The following WDR70 variants were observed in gnomAD, a reference collection of about 807,000 sequenced individuals.
WDR70 encodes WD repeat-containing protein 70.
In WDR70, 53 loss-of-function variants were observed where a neutral mutation model predicts 88.6. The observed-to-expected ratio is 0.60, with a 90% CI of 0.48 to 0.75. The LOEUF (loss-of-function observed/expected upper bound fraction) is 0.75, where lower values mean the gene tolerates loss of function less well. Ranked by LOEUF, WDR70 falls within the 30% of genes least tolerant of loss-of-function variation. The pLI is 0.00. For synonymous variants in WDR70, 280 were observed against 270.0 expected (o/e 1.04, Z -0.36); for missense variants, 610 against 823.2 (o/e 0.74, Z 3.17).
rs191527236 is a variant in WDR70 at position 37,523,465 on chromosome 5, C to G, written c.917+6875C>G. Reference sequence around the variant, plus strand: ...TAACAAACAGAAAGGACATCCACACCAAAACCCCATCTGTATGTCACCATC... The same window carrying G: ...TAACAAACAGAAAGGACATCCACACGAAAACCCCATCTGTATGTCACCATC... On this transcript the variant is annotated intron_variant, in intron 9 of 17. Coordinates refer to ENST00000265107, the MANE Select transcript of WDR70 (RefSeq NM_018034.4). 1.6e-3 allele frequency among the ~76,000 whole-genome samples: 245 copies of G among 152,268 alleles called. 5 individuals carry two copies. Among genetic ancestry groups the G allele is most frequent in the African/African-American group, 5.4e-3 (223 of 41,562 alleles).
At chr5:37,652,009 T>C (rs940397021) in intron 10 of WDR70, among the ~76,000 whole-genome samples, 2 of 152,308 alleles carry the variant, frequency 1.3e-5, no homozygotes, top group Admixed American at 1.3e-4. Context: ...AGTCATGAAG[T>C]CTTTGCCCAT....
intron 8 of WDR70, among the ~76,000 whole-genome samples, chr5:37,484,577 G>A (rs1739799408): frequency 6.6e-6 from 1 of 152,038 alleles, no homozygotes. Context: ...GTGGGGAGAG[G>A]GAGAGGGAGA....
intron 9 of WDR70, among the ~76,000 whole-genome samples, chr5:37,575,129 T>A (rs988742785): frequency 1.3e-5 from 2 of 152,194 alleles, no homozygotes; most frequent in Non-Finnish European, 2.9e-5. Flanking sequence ...GGATACTCAT[T>A]AAATATTTGT....
intron 9 of WDR70, among the ~76,000 whole-genome samples, chr5:37,599,019 G>A (rs753013024): frequency 6.6e-6 from 1 of 152,194 alleles, no homozygotes; most frequent in Non-Finnish European, 1.5e-5. Context: ...TTTGGCAGAG[G>A]TAAAGGGAAG....
At chr5:37,556,366 T>G (rs1457719355) in intron 9 of WDR70, among the ~76,000 whole-genome samples, 1 of 152,206 alleles carries the variant, frequency 6.6e-6, no homozygotes, top group Non-Finnish European at 1.5e-5. Context: ...CTTACCTGTT[T>G]TAGACATGAA....
At chr5:37,656,160 CCTGT>C (rs1745549601) in intron 10 of WDR70, among the ~76,000 whole-genome samples, 2 of 152,060 alleles carry the variant, frequency 1.3e-5, no homozygotes, top group East Asian at 3.9e-4. Flanking sequence ...TGATGCTCTT[CCTGT>C]CTGTTTGTTA....
At chr5:37,593,923 T>C (rs892220644) in intron 9 of WDR70, among the ~76,000 whole-genome samples, 15 of 152,252 alleles carry the variant, frequency 9.9e-5, no homozygotes, top group African/African-American at 3.6e-4. Flanking sequence ...TTTTTTCATG[T>C]GTCTGATGGC....
intron 10 of WDR70, among the ~76,000 whole-genome samples, chr5:37,660,117 T>C (rs1225773052): frequency 2.6e-5 from 4 of 152,228 alleles, no homozygotes; most frequent in African/African-American, 9.6e-5. Context: ...AATCTGTTAA[T>C]TGATAGAAAT....
intron 9 of WDR70, among the ~76,000 whole-genome samples, chr5:37,524,318 T>C (rs540245853): frequency 6.6e-6 from 1 of 151,788 alleles, no homozygotes; most frequent in Non-Finnish European, 1.5e-5. Context: ...AGAGTGGGGG[T>C]CAATATTCAA....
At chr5:37,507,003 A>C (rs1740580675) in intron 8 of WDR70, 1 of 610,734 alleles carries the variant, frequency 1.6e-6, no homozygotes, top group Admixed American at 2.7e-5. Context: ...GGACACACAC[A>C]CACAGGCACT....
At chr5:37,469,878 G>C (rs532582009) in intron 7 of WDR70, among the ~76,000 whole-genome samples, 1 of 152,134 alleles carries the variant, frequency 6.6e-6, no homozygotes, top group African/African-American at 2.4e-5. Flanking sequence ...AGCTATAACT[G>C]TAATAGACTT....
At chr5:37,445,895 T>A (rs1443836084) in intron 7 of WDR70, among the ~76,000 whole-genome samples, 3 of 152,138 alleles carry the variant, frequency 2.0e-5, no homozygotes, top group African/African-American at 7.2e-5. Context: ...AGGGATGCCC[T>A]CTCTCACCAC....
intron 10 of WDR70, among the ~76,000 whole-genome samples, chr5:37,653,838 T>C (rs973404315): frequency 6.6e-6 from 1 of 152,206 alleles, no homozygotes; most frequent in Non-Finnish European, 1.5e-5. Flanking sequence ...CTTTTCTTCT[T>C]TATTAGTCTA....
At chr5:37,568,881 A>C (rs1191778855) in intron 9 of WDR70, among the ~76,000 whole-genome samples, 1 of 152,096 alleles carries the variant, frequency 6.6e-6, no homozygotes, top group Admixed American at 6.5e-5. Context: ...GGCAGAAGTG[A>C]TGGTATGTCA....
intron 2 of WDR70, among the ~76,000 whole-genome samples, chr5:37,379,873 GGTA>G (rs1199871650): frequency 6.6e-6 from 1 of 152,016 alleles, no homozygotes; most frequent in East Asian, 1.9e-4. Context: ...AATTCGGTAG[GGTA>G]GATTTCTAAA....
chr5:37,593,451 C>T (rs1743600915), intron 9 of WDR70, among the ~76,000 whole-genome samples: 1 of 152,188 alleles, frequency 6.6e-6, no homozygotes, highest in African/African-American at 2.4e-5. Context: ...TTTCCAGCTG[C>T]ATCCATGCCC....
intron 10 of WDR70, among the ~76,000 whole-genome samples, chr5:37,617,055 A>G (rs1744365734): frequency 6.6e-6 from 1 of 152,222 alleles, no homozygotes; most frequent in African/African-American, 2.4e-5. Flanking sequence ...GTGATATTTA[A>G]TGAACACTTA....
chr5:37,619,268 C>T (rs1365542699), intron 10 of WDR70, among the ~76,000 whole-genome samples: 3 of 144,560 alleles, frequency 2.1e-5, no homozygotes, highest in African/African-American at 8.4e-5. Context: ...TAAATGCTCC[C>T]TAATTCTTAA....
At chr5:37,587,873 G>A (rs1366489865) in intron 9 of WDR70, among the ~76,000 whole-genome samples, 2 of 149,924 alleles carry the variant, frequency 1.3e-5, no homozygotes, top group Admixed American at 1.3e-4. Flanking sequence ...TCCACCTCCC[G>A]GGTTCAAGTG....
Sources: allele counts gnomAD v4.1 joint callset (sites outside exome capture counted in the v4.1 genomes callset), GRCh38; gene constraint gnomAD v4.1.1; transcripts MANE v1.5; gene names NCBI Gene and HGNC (gene_info 2026-07-23, HGNC 2026-07-21).